VTA1: variants seen among roughly 807,000 people sequenced by gnomAD.
The protein encoded by VTA1 is vesicle trafficking 1.
A neutral mutation model predicts 36.9 loss-of-function variants in VTA1; 24 were observed. The ratio of observed to expected loss-of-function variants is 0.65; its 90% CI spans 0.47 to 0.91. VTA1 has a LOEUF of 0.91. VTA1 is among the 40% of genes least tolerant of loss of function. The pLI, the probability that VTA1 is intolerant of heterozygous loss-of-function variation, is 0.00. For missense variants in VTA1, 393 were observed against 377.2 expected (o/e 1.04, Z -0.35); for synonymous variants, 142 against 130.2 (o/e 1.09, Z -0.62).
intron 1 of VTA1, among the ~76,000 whole-genome samples, chr6:142,153,191 T>G (rs1582874077): frequency 6.6e-6 from 1 of 152,214 alleles, no homozygotes; most frequent in African/African-American, 2.4e-5. Context: ...ATATTACTAA[T>G]AGTCCACTAA....
chr6:142,162,253 G>A (rs1774825270), intron 1 of VTA1, among the ~76,000 whole-genome samples: 1 of 152,142 alleles, frequency 6.6e-6, no homozygotes. Flanking sequence ...CTAAAGCCAA[G>A]GGCAGTCTTA....
chr6:142,195,424 C>T (rs1348958789), intron 5 of VTA1, among the ~76,000 whole-genome samples: 6 of 139,722 alleles, frequency 4.3e-5, no homozygotes, highest in African/African-American at 1.3e-4. Flanking sequence ...TTTGATATCA[C>T]CTCCTTCATT....
Position 142,166,359 on chromosome 6 carries a change from G to T in VTA1, c.207+37G>T. On this transcript the variant is annotated intron_variant, in intron 2 of 7. Transcript: ENST00000367630. ...ACTGATCATTTATTTTCTGGTTATG[G>T]TTAAAATACCATTTTATTCATTTGC... 2.1e-6 allele frequency: 3 copies of T among 1,425,656 alleles called. No homozygotes were observed. In the South Asian group the frequency reaches 3.7e-5, roughly 17 times the overall value. 88.3% of individuals were successfully genotyped at this position (1,425,656 alleles called of 1,614,324 possible). A position where few individuals can be genotyped will look rare whatever the true frequency, so the allele number is the denominator to read the frequency against.
rs1437319283 is a variant in VTA1, at chr6:142,219,044, C to G, written c.*401C>G. Reference sequence around the variant, plus strand: ...CTTTGCTATAAAATTATAAATGTAACTTTTAATAAAGATAGCCAGAATATT... The same window carrying G: ...CTTTGCTATAAAATTATAAATGTAAGTTTTAATAAAGATAGCCAGAATATT... On this transcript the variant is annotated 3_prime_UTR_variant, in exon 8 of 8. Coordinates refer to ENST00000367630, the MANE Select transcript of VTA1 (RefSeq NM_016485.5). 6.5e-6 allele frequency: 1 copy of G among 152,824 alleles called. No individual in the cohort carries two copies. Among genetic ancestry groups the G allele is most frequent in the Admixed American group, 6.5e-5 (1 of 15,284 alleles). The allele number at this position is 152,824 out of a possible 1,614,324, so 9.5% of individuals were successfully genotyped here.
chr6:142,171,781 T>G (rs896490624), intron 4 of VTA1, among the ~76,000 whole-genome samples: 1 of 152,206 alleles, frequency 6.6e-6, no homozygotes, highest in African/African-American at 2.4e-5. Flanking sequence ...GTTTTTTTTG[T>G]GATTAAACTT....
chr6:142,184,627 A>G (rs185612550), intron 4 of VTA1, among the ~76,000 whole-genome samples: 74 of 152,328 alleles, frequency 4.9e-4, no homozygotes, highest in Admixed American at 8.5e-4. Flanking sequence ...CTGGGCAGAA[A>G]GGAAACCATG....
chr6:142,150,306 C>T (rs537562733), intron 1 of VTA1, among the ~76,000 whole-genome samples: 1 of 152,320 alleles, frequency 6.6e-6, no homozygotes, highest in Admixed American at 6.5e-5. Flanking sequence ...GACCAGCGCT[C>T]TCCAAACTGG....
At chr6:142,216,362 C>G (rs1420278993) in intron 7 of VTA1, among the ~76,000 whole-genome samples, 3 of 151,992 alleles carry the variant, frequency 2.0e-5, no homozygotes, top group Non-Finnish European at 4.4e-5. Context: ...TGAATGTAGA[C>G]TAGTATACTA....
intron 1 of VTA1, among the ~76,000 whole-genome samples, chr6:142,153,930 T>C (rs1159069380): frequency 2.0e-5 from 3 of 152,110 alleles, no homozygotes; most frequent in East Asian, 1.9e-4. Context: ...AATGATAATA[T>C]CTTGCAAAAC....
At chr6:142,197,841 G>A (rs1343125257) in intron 5 of VTA1, among the ~76,000 whole-genome samples, 2 of 151,488 alleles carry the variant, frequency 1.3e-5, no homozygotes, top group East Asian at 1.9e-4. Context: ...TTGGGAGGCC[G>A]AGGCAGGCAG....
At chr6:142,214,286 C>CCAATAAGTTCCT (rs1340872525) in intron 7 of VTA1, among the ~76,000 whole-genome samples, 2 of 152,266 alleles carry the variant, frequency 1.3e-5, no homozygotes, top group Non-Finnish European at 1.5e-5. Context: ...ACTCTAGTTC[C>CCAATAAGTTCCT]CAATAAGTTC....
chr6:142,150,899 C>G (rs534077027), intron 1 of VTA1, among the ~76,000 whole-genome samples: 2 of 145,956 alleles, frequency 1.4e-5, no homozygotes, highest in Non-Finnish European at 3.0e-5. Context: ...GCAGCAAGAG[C>G]GAAACTCCAT....
chr6:142,207,474 A>G (rs1347201148), intron 7 of VTA1, among the ~76,000 whole-genome samples: 2 of 152,096 alleles, frequency 1.3e-5, no homozygotes, highest in East Asian at 3.9e-4. Context: ...TAGGAGGTAC[A>G]TTTCCCAGGT....
chr6:142,177,480 A>G (rs984826453), intron 4 of VTA1, among the ~76,000 whole-genome samples: 7 of 148,002 alleles, frequency 4.7e-5, no homozygotes, highest in Non-Finnish European at 8.8e-5. Flanking sequence ...CCTAGCATGT[A>G]AGTGCTTTAA....
intron 2 of VTA1, 118 bp from the exon 3 acceptor site, chr6:142,169,432 T>C: frequency 8.7e-7 from 1 of 1,155,724 alleles, no homozygotes; most frequent in Admixed American, 2.9e-5. Flanking sequence ...ATTGATGACA[T>C]CTTTTATTGA....
chr6:142,161,365 C>CT (rs1398805016), intron 1 of VTA1, among the ~76,000 whole-genome samples: 1 of 151,964 alleles, frequency 6.6e-6, no homozygotes, highest in African/African-American at 2.4e-5. Flanking sequence ...GCTTTTATAT[C>CT]TTTTTGCGTG....
At chr6:142,183,970 G>A (rs1775294446) in intron 4 of VTA1, among the ~76,000 whole-genome samples, 1 of 152,130 alleles carries the variant, frequency 6.6e-6, no homozygotes, top group African/African-American at 2.4e-5. Flanking sequence ...TAGATATTAG[G>A]ACTGAAAGAA....
At chr6:142,159,080 T>C (rs1774721184) in intron 1 of VTA1, among the ~76,000 whole-genome samples, 1 of 152,108 alleles carries the variant, frequency 6.6e-6, no homozygotes, top group Non-Finnish European at 1.5e-5. Context: ...CTGGTATTGG[T>C]TGGGCATGGT....
chr6:142,166,177 C>A (rs1240240129), intron 1 of VTA1, 51 bp from the exon 2 acceptor site: 3 of 1,293,012 alleles, frequency 2.3e-6, no homozygotes, highest in Admixed American at 1.8e-5. Flanking sequence ...CACTCATAAA[C>A]ATGGATGTTT....
Sources: allele counts gnomAD v4.1 joint callset (sites outside exome capture counted in the v4.1 genomes callset), GRCh38; gene constraint gnomAD v4.1.1; transcripts MANE v1.5; gene names NCBI Gene and HGNC (gene_info 2026-07-23, HGNC 2026-07-21).